The following CTNNA3 variants were observed in gnomAD, a reference collection of about 807,000 sequenced individuals.
The protein encoded by CTNNA3 is catenin alpha 3, also known as catenin alpha-3.
CTNNA3 carries 76 observed loss-of-function variants against 95.7 expected under a neutral mutation model. The observed-to-expected ratio is 0.79, with a 90% CI of 0.66 to 0.96. The LOEUF (loss-of-function observed/expected upper bound fraction) is 0.96, where lower values mean the gene tolerates loss of function less well. CTNNA3 is among the 40% of genes least tolerant of loss of function. The pLI, the probability that CTNNA3 is intolerant of heterozygous loss-of-function variation, is 0.00. For synonymous variants in CTNNA3, 431 were observed against 374.4 expected (o/e 1.15, Z -1.74); for missense variants, 1,191 against 1,089.8 (o/e 1.09, Z -1.31).
intron 7 of CTNNA3, among the ~76,000 whole-genome samples, chr10:66,797,405 A>T (rs1816595272): frequency 7.6e-6 from 1 of 131,116 alleles, no homozygotes; most frequent in Non-Finnish European, 1.5e-5. Context: ...TTCAAAAGTA[A>T]GAAAAAAAAA....
intron 7 of CTNNA3, among the ~76,000 whole-genome samples, chr10:67,132,475 A>G (rs1860065966): frequency 6.6e-6 from 1 of 152,106 alleles, no homozygotes; most frequent in African/African-American, 2.4e-5. Flanking sequence ...TAAAAAGTAT[A>G]TGTAGATGTA....
chr10:66,584,834 T>A (rs1261289147), intron 10 of CTNNA3, among the ~76,000 whole-genome samples: 1 of 152,080 alleles, frequency 6.6e-6, no homozygotes, highest in Non-Finnish European at 1.5e-5. Context: ...AACAACTTGT[T>A]TCAAGATTTA....
At chr10:67,762,658 A>G (rs1186119294) in intron 1 of CTNNA3, among the ~76,000 whole-genome samples, 1 of 152,178 alleles carries the variant, frequency 6.6e-6, no homozygotes, top group African/African-American at 2.4e-5. Flanking sequence ...ACCACCCCTC[A>G]TATTGTCTCA....
chr10:66,541,881 A>T (rs1841864807), intron 10 of CTNNA3, among the ~76,000 whole-genome samples: 2 of 152,132 alleles, frequency 1.3e-5, no homozygotes, highest in South Asian at 4.1e-4. Context: ...ATGCGTATTT[A>T]AAACTTGAAA....
intron 5 of CTNNA3, among the ~76,000 whole-genome samples, chr10:67,291,670 C>CTAGA (rs1839842465): frequency 1.3e-5 from 2 of 152,026 alleles, no homozygotes. Flanking sequence ...CCATAAATAC[C>CTAGA]TAGATTGTTT....
At chr10:66,332,598 GC>G (rs1482811595) in intron 12 of CTNNA3, among the ~76,000 whole-genome samples, 2 of 151,942 alleles carry the variant, frequency 1.3e-5, no homozygotes, top group East Asian at 1.9e-4. Flanking sequence ...TGGTGGATAA[GC>G]TTTTTGATGT....
intron 9 of CTNNA3, among the ~76,000 whole-genome samples, chr10:66,646,607 T>A (rs923447179): frequency 6.6e-6 from 1 of 152,152 alleles, no homozygotes; most frequent in African/African-American, 2.4e-5. Flanking sequence ...TAAGGTATAC[T>A]CTAAATTGCC....
chr10:67,055,492 T>C (rs1855368012), intron 7 of CTNNA3, among the ~76,000 whole-genome samples: 1 of 152,024 alleles, frequency 6.6e-6, no homozygotes, highest in African/African-American at 2.4e-5. Context: ...CAGACTAAGA[T>C]AATGAAAAAG....
chr10:66,926,476 G>C (rs1847080145), intron 7 of CTNNA3: 1 of 1,287,104 alleles, frequency 7.8e-7, no homozygotes, highest in South Asian at 1.3e-5. Flanking sequence ...TTCTTCCTGG[G>C]TGTCAGCGAG....
intron 7 of CTNNA3, among the ~76,000 whole-genome samples, chr10:67,032,782 ATG>A (rs1450294508): frequency 6.6e-6 from 1 of 151,996 alleles, no homozygotes; most frequent in Non-Finnish European, 1.5e-5. Flanking sequence ...TCCTTTTTTT[ATG>A]TGTTCTCAGT....
intron 15 of CTNNA3, among the ~76,000 whole-genome samples, chr10:66,011,958 T>C (rs1018102350): frequency 3.3e-5 from 5 of 152,154 alleles, no homozygotes; most frequent in Admixed American, 6.5e-5. Flanking sequence ...GTCTGCAACA[T>C]AGAATGACTG....
intron 7 of CTNNA3, among the ~76,000 whole-genome samples, chr10:67,178,850 G>T (rs916475616): frequency 2.0e-5 from 3 of 151,830 alleles, no homozygotes; most frequent in Non-Finnish European, 4.4e-5. Flanking sequence ...AAATCTTTAA[G>T]AATATATTAT....
At chr10:67,321,064 G>A (rs1466952257) in intron 5 of CTNNA3, among the ~76,000 whole-genome samples, 1 of 152,118 alleles carries the variant, frequency 6.6e-6, no homozygotes, top group Non-Finnish European at 1.5e-5. Context: ...TAAGAATCTT[G>A]ATTTCTTTGC....
chr10:66,515,265 A>ATCTATC (rs1319340215), intron 11 of CTNNA3, among the ~76,000 whole-genome samples: 6 of 146,010 alleles, frequency 4.1e-5, no homozygotes, highest in Admixed American at 2.1e-4. Flanking sequence ...CTTATTCCCT[A>ATCTATC]TATCTATCTA....
intron 7 of CTNNA3, among the ~76,000 whole-genome samples, chr10:66,920,780 T>C (rs1589426478): frequency 6.6e-6 from 1 of 152,182 alleles, no homozygotes; most frequent in Admixed American, 6.5e-5. Context: ...ATCCCTAGGG[T>C]TGCTTAGCCA....
intron 7 of CTNNA3, among the ~76,000 whole-genome samples, chr10:67,130,502 C>T (rs1270130174): frequency 6.6e-6 from 1 of 152,062 alleles, no homozygotes; most frequent in Non-Finnish European, 1.5e-5. Context: ...TACTAAGACT[C>T]CAGATCATAA....
chr10:67,443,575 T>C (rs1846617835), intron 5 of CTNNA3, among the ~76,000 whole-genome samples: 1 of 152,252 alleles, frequency 6.6e-6, no homozygotes, highest in Admixed American at 6.5e-5. Context: ...CATGCGTCTT[T>C]TGATTGCATA....
At chr10:67,040,987 C>CT (rs200375206) in intron 7 of CTNNA3, among the ~76,000 whole-genome samples, 5 of 151,822 alleles carry the variant, frequency 3.3e-5, no homozygotes, top group South Asian at 4.2e-4. Flanking sequence ...GCATTTTATA[C>CT]TTTTTTTTAG....
chr10:67,501,646 G>A (rs140072757), intron 5 of CTNNA3, among the ~76,000 whole-genome samples: 4,213 of 152,146 alleles, frequency 0.028, 81 homozygotes, highest in South Asian at 0.1. Context: ...ATATTTCTTG[G>A]AGGCTTTGTT....
Sources: allele counts gnomAD v4.1 joint callset (sites outside exome capture counted in the v4.1 genomes callset), GRCh38; gene constraint gnomAD v4.1.1; transcripts MANE v1.5; gene names NCBI Gene and HGNC (gene_info 2026-07-23, HGNC 2026-07-21).